Variants in RB1 observed in about 807,000 individuals in gnomAD.
The protein encoded by RB1 is retinoblastoma-associated protein.
Under a neutral mutation model 135.4 loss-of-function variants are expected in RB1, and 18 were observed. The ratio of observed to expected loss-of-function variants is 0.13; its 90% CI spans 0.09 to 0.20. The LOEUF is 0.20. Among genes scored for constraint, RB1 ranks in the 10% least tolerant of loss-of-function variants. The pLI is 1.00. For synonymous variants in RB1, 365 were observed against 373.2 expected (o/e 0.98, Z 0.25); for missense variants, 868 against 1,110.0 (o/e 0.78, Z 3.10).
At chr13:48,370,606 A>T (rs545182618) in intron 11 of RB1, among the ~76,000 whole-genome samples, 18 of 152,338 alleles carry the variant, frequency 1.2e-4, no homozygotes, top group South Asian at 2.1e-4. Context: ...AGATGTAAAG[A>T]TGCATAGGAT....
At chr13:48,461,298 A>G (rs187759636) in intron 20 of RB1, among the ~76,000 whole-genome samples, 1 of 152,280 alleles carries the variant, frequency 6.6e-6, no homozygotes, top group African/African-American at 2.4e-5. Flanking sequence ...TTCATTTAGC[A>G]TAATGTTTTC....
chr13:48,327,049 C>T (rs897084873), intron 2 of RB1, among the ~76,000 whole-genome samples: 3 of 151,892 alleles, frequency 2.0e-5, no homozygotes, highest in Non-Finnish European at 1.5e-5. Context: ...TAAAATAAAC[C>T]ATATAATTTT....
intron 11 of RB1, among the ~76,000 whole-genome samples, chr13:48,372,933 G>A (rs1269924517): frequency 6.6e-6 from 1 of 152,170 alleles, no homozygotes; most frequent in Non-Finnish European, 1.5e-5. Flanking sequence ...TGCTGTGAAA[G>A]TGGTGATTTT....
chr13:48,371,482 T>C (rs1952758042), intron 11 of RB1, among the ~76,000 whole-genome samples: 1 of 152,196 alleles, frequency 6.6e-6, no homozygotes, highest in African/African-American at 2.4e-5. Context: ...TGTAGCAGTT[T>C]ACTTGAGAGT....
intron 2 of RB1, among the ~76,000 whole-genome samples, chr13:48,338,134 G>A (rs1408826367): frequency 6.6e-6 from 1 of 152,072 alleles, no homozygotes; most frequent in Non-Finnish European, 1.5e-5. Context: ...TTTCAACTTT[G>A]GTGAATCTGA....
intron 6 of RB1, among the ~76,000 whole-genome samples, chr13:48,358,439 G>C (rs1252983026): frequency 6.6e-6 from 1 of 152,066 alleles, no homozygotes; most frequent in Non-Finnish European, 1.5e-5. Flanking sequence ...CTATGGTATG[G>C]GAGCAGGCAT....
chr13:48,411,230 G>T, intron 17 of RB1: 1 of 645,216 alleles, frequency 1.5e-6, no homozygotes, highest in Admixed American at 2.5e-5. Flanking sequence ...ACATGTTAAT[G>T]CTTAACACAT....
At chr13:48,318,624 G>A in intron 2 of RB1, 3 of 607,468 alleles carry the variant, frequency 4.9e-6, no homozygotes, top group Non-Finnish European at 8.9e-6. Flanking sequence ...GCTGTGGTCG[G>A]CATCCTGGCC....
At chr13:48,358,071 T>G (rs1320553716) in intron 6 of RB1, among the ~76,000 whole-genome samples, 5 of 152,108 alleles carry the variant, frequency 3.3e-5, no homozygotes, top group Non-Finnish European at 7.4e-5. Context: ...CCACCAAGAT[T>G]GTGGCATTGC....
At chr13:48,311,621 T>G (rs1952131324) in intron 2 of RB1, among the ~76,000 whole-genome samples, 1 of 152,238 alleles carries the variant, frequency 6.6e-6, no homozygotes, top group Non-Finnish European at 1.5e-5. Context: ...TTTCTATGTG[T>G]TTTACTAATT....
At chr13:48,435,073 C>A (rs544959944) in intron 17 of RB1, among the ~76,000 whole-genome samples, 1 of 152,200 alleles carries the variant, frequency 6.6e-6, no homozygotes, top group Admixed American at 6.5e-5. Flanking sequence ...GGGATAAATG[C>A]CTAATGAGTA....
rs554014257 is a variant in RB1, at chr13:48,306,881, G to T, written c.138-399G>T. Among the ~76,000 whole-genome samples the T allele has an allele frequency of 1.1e-4, 16 of 152,294 alleles. 1 individual carries two copies. In the South Asian group the frequency reaches 3.3e-3, roughly 32 times the overall value. ...GATATATGAAACATTGATAAGAGAAGACTACAGTTTAACAAAGTCACTGGC... is the reference window on the plus strand; with the variant it reads ...GATATATGAAACATTGATAAGAGAATACTACAGTTTAACAAAGTCACTGGC... On this transcript the variant is annotated intron_variant, in intron 1 of 26. Coordinates refer to ENST00000267163, the MANE Select transcript of RB1 (RefSeq NM_000321.3).
intron 6 of RB1, among the ~76,000 whole-genome samples, chr13:48,359,324 T>C (rs1218108493): frequency 1.3e-5 from 2 of 151,666 alleles, no homozygotes; most frequent in Non-Finnish European, 2.9e-5. Context: ...TAAATTTATA[T>C]ACTAATTTTG....
intron 9 of RB1, among the ~76,000 whole-genome samples, chr13:48,366,316 A>G (rs1952697286): frequency 6.6e-6 from 1 of 152,250 alleles, no homozygotes; most frequent in African/African-American, 2.4e-5. Flanking sequence ...TTCACATAAT[A>G]TAGCCAATCA....
chr13:48,478,629 C>G (rs537851734), intron 26 of RB1, among the ~76,000 whole-genome samples: 7 of 152,286 alleles, frequency 4.6e-5, no homozygotes, highest in African/African-American at 1.4e-4. Context: ...GGCGAGCTTC[C>G]TCTGCCAGGC....
At chr13:48,311,728 A>G (rs1314186865) in intron 2 of RB1, among the ~76,000 whole-genome samples, 1 of 152,002 alleles carries the variant, frequency 6.6e-6, no homozygotes, top group Non-Finnish European at 1.5e-5. Context: ...TTATTTTGAG[A>G]TGGAGTCTTG....
At chr13:48,307,447 A>G in intron 2 of RB1, 41 bp downstream of exon 2, 1 of 1,583,486 alleles carries the variant, frequency 6.3e-7, no homozygotes, top group Non-Finnish European at 8.7e-7. Flanking sequence ...TTTTTTTCTC[A>G]TTTTAAAAAC....
intron 17 of RB1, among the ~76,000 whole-genome samples, chr13:48,418,127 G>A (rs1470815205): frequency 6.6e-6 from 1 of 152,156 alleles, no homozygotes; most frequent in Non-Finnish European, 1.5e-5. Flanking sequence ...AAAGCAGCCA[G>A]AGAGAAAGGT....
intron 17 of RB1, chr13:48,408,812 T>C (rs1421068464): frequency 6.6e-6 from 1 of 152,188 alleles, no homozygotes; most frequent in African/African-American, 2.4e-5. Flanking sequence ...AACATAGTAA[T>C]AACAACTATT....
Sources: allele counts gnomAD v4.1 joint callset (sites outside exome capture counted in the v4.1 genomes callset), GRCh38; gene constraint gnomAD v4.1.1; transcripts MANE v1.5; gene names NCBI Gene and HGNC (gene_info 2026-07-23, HGNC 2026-07-21).